SPG7: variants seen among roughly 807,000 people sequenced by gnomAD.
SPG7 encodes the protein mitochondrial inner membrane m-AAA protease component paraplegin.
In SPG7, 103 loss-of-function variants were observed where a neutral mutation model predicts 81.9. The observed-to-expected ratio is 1.26, with a 90% CI of 1.07 to 1.48. The LOEUF (loss-of-function observed/expected upper bound fraction) is 1.48, where lower values mean the gene tolerates loss of function less well. SPG7 is among the 40% of genes most tolerant of loss of function. The probability of loss-of-function intolerance (pLI) is 0.00; values close to 1 mark genes in which losing one functional copy is unlikely to be tolerated. For synonymous variants in SPG7, 534 were observed against 444.2 expected (o/e 1.20, Z -2.54); for missense variants, 1,241 against 1,087.3 (o/e 1.14, Z -1.99).
chr16:89,526,884 GCC>G (rs1216238310), intron 5 of SPG7: 1 of 270,564 alleles, frequency 3.7e-6, no homozygotes, highest in Non-Finnish European at 7.2e-6. Context: ...CGAAGTCTCA[GCC>G]CCCGACGTAG....
At chr16:89,532,688 CG>C (rs754507604) in intron 9 of SPG7, 52 bp downstream of exon 9, 63 of 1,605,838 alleles carry the variant, frequency 3.9e-5, no homozygotes, top group Non-Finnish European at 4.9e-5. Context: ...GGAGGTTTTC[CG>C]ATGTCTTTCA....
chr16:89,512,220 T>G (rs1353934048), intron 2 of SPG7, among the ~76,000 whole-genome samples: 1 of 151,526 alleles, frequency 6.6e-6, no homozygotes, highest in Admixed American at 6.6e-5. Flanking sequence ...CTCCCCCATT[T>G]GTAAACGCTG....
intron 10 of SPG7, chr16:89,545,621 C>T (rs2058553928): frequency 4.1e-6 from 1 of 242,570 alleles, no homozygotes; most frequent in South Asian, 3.9e-5. Flanking sequence ...CCAGGGGACA[C>T]TGTTTCTCCA....
At chr16:89,512,796 C>G (rs927458521) in intron 2 of SPG7, 152 bp from the exon 3 acceptor site, 8 of 735,376 alleles carry the variant, frequency 1.1e-5, no homozygotes, top group Admixed American at 4.1e-5. Context: ...ATAGGATATG[C>G]TTTATTTCAT....
rs2058220302 is a variant in SPG7, at chr16:89,523,616, C to T, written c.377-390C>T. ...TTCTTTTCTGAGACAGGGTCGTTCTCTGTCACCCAGGCTGGAGCACAGTGG... is the reference window on the plus strand; with the variant it reads ...TTCTTTTCTGAGACAGGGTCGTTCTTTGTCACCCAGGCTGGAGCACAGTGG... On this transcript the variant is annotated intron_variant, in intron 3 of 16. Transcript: ENST00000645818. 3 of 444,356 alleles carry T rather than the reference C, an allele frequency of 6.8e-6. No homozygotes were observed. In the Admixed American group the frequency reaches 7.2e-5, roughly 11 times the overall value. 27.5% of individuals were successfully genotyped at this position (444,356 alleles called of 1,614,324 possible).
At chr16:89,532,873 C>T (rs1164038888) in intron 9 of SPG7, 1 of 532,676 alleles carries the variant, frequency 1.9e-6, no homozygotes, top group East Asian at 3.4e-5. Flanking sequence ...CACCAGAGGT[C>T]AGGATTTCAT....
intron 9 of SPG7, among the ~76,000 whole-genome samples, chr16:89,534,813 C>T (rs578245875): frequency 2.0e-5 from 3 of 152,334 alleles, no homozygotes; most frequent in Admixed American, 6.5e-5. Flanking sequence ...CCACGCTGTC[C>T]GTGACTGCCC....
chr16:89,516,409 A>G (rs1434306741), intron 3 of SPG7, among the ~76,000 whole-genome samples: 3 of 151,756 alleles, frequency 2.0e-5, no homozygotes, highest in Non-Finnish European at 2.9e-5. Context: ...AAAATTAGCC[A>G]GGTGTGGTGT....
chr16:89,526,514 C>T (rs767245321), intron 5 of SPG7, 46 bp downstream of exon 5: 1 of 1,610,802 alleles, frequency 6.2e-7, no homozygotes, highest in Admixed American at 1.7e-5. Flanking sequence ...CCTAACTTGG[C>T]TTTGTAATCT....
chr16:89,532,331 G>T, intron 8 of SPG7, 132 bp from the exon 9 acceptor site: 1 of 1,188,684 alleles, frequency 8.4e-7, no homozygotes, highest in Non-Finnish European at 1.2e-6. Context: ...CAGCTGCCGT[G>T]TGTCTGTTTG....
intron 6 of SPG7, chr16:89,530,249 A>C: frequency 3.1e-6 from 1 of 326,214 alleles, no homozygotes; most frequent in Non-Finnish European, 5.9e-6. Flanking sequence ...GGTTCAAGCG[A>C]TTCTCCTGCT....
chr16:89,524,267 G>A lies in SPG7; in HGVS notation c.618+20G>A, dbSNP rs527365874. ...CGGCCTGTGAGTGAGGGTGCGGGAGGCCTGTGAGTGAGGGTGTGGGCACAG... is the reference window on the plus strand; with the variant it reads ...CGGCCTGTGAGTGAGGGTGCGGGAGACCTGTGAGTGAGGGTGTGGGCACAG... On this transcript the variant is annotated intron_variant, in intron 4 of 16. Coordinates refer to ENST00000645818, the MANE Select transcript of SPG7 (RefSeq NM_003119.4). The A allele has an allele frequency of 3.1e-6, 5 of 1,599,392 alleles. No individual in the cohort carries two copies. Among genetic ancestry groups the A allele is most frequent in the Non-Finnish European group, 4.3e-6 (5 of 1,172,752 alleles).
rs138671904 is a variant in SPG7 at position 89,544,692 on chromosome 16, C to T, written c.1369C>T (p.Arg457Ter). 11 of 1,613,990 alleles carry T rather than the reference C, an allele frequency of 6.8e-6. No individual in the cohort carries two copies. The highest frequency in any genetic ancestry group is 1.7e-5 in the Admixed American group (1 of 60,004). ...DHVIVLASTN[R>*]ADILDGALMR... ...TGTCATCGTCCTGGCGTCCACGAAC[C>T]GAGCTGACATTTTGGACGGTGCTCT... Residue 457 changes from arginine to a stop codon, truncating the protein, a stop_gained, in exon 10 of 17, where the codon CGA (arginine) becomes TGA (stop). Coordinates refer to ENST00000645818, the MANE Select transcript of SPG7 (RefSeq NM_003119.4). LOFTEE classifies it high-confidence loss of function.
intron 9 of SPG7, chr16:89,540,316 C>G (rs1038580919): frequency 1.3e-5 from 2 of 152,166 alleles, no homozygotes; most frequent in African/African-American, 2.4e-5. Context: ...CGGCCCAGAT[C>G]TGGGCCATAC....
At chr16:89,551,423 C>T (rs1454219681) in intron 13 of SPG7, 1 of 154,320 alleles carries the variant, frequency 6.5e-6, no homozygotes, top group African/African-American at 2.4e-5. Flanking sequence ...CAGAGAGCGT[C>T]CTGCCCATCC....
At chr16:89,545,273 AGG>A (rs1488195876) in intron 10 of SPG7, 5 of 257,870 alleles carry the variant, frequency 1.9e-5, no homozygotes, top group African/African-American at 1.1e-4. Flanking sequence ...CCTCTGTCAC[AGG>A]GCTCTGGTTG....
intron 6 of SPG7, 51 bp downstream of exon 6, chr16:89,529,630 T>C: frequency 7.4e-7 from 1 of 1,348,388 alleles, no homozygotes; most frequent in Non-Finnish European, 1.1e-6. Context: ...TTGTGTTTGC[T>C]GAATACTTTT....
intron 11 of SPG7, chr16:89,547,681 T>C (rs931432895): frequency 1.3e-5 from 5 of 373,400 alleles, no homozygotes; most frequent in African/African-American, 4.2e-5. Flanking sequence ...GGCGTGATCT[T>C]GGCTCCCCGC....
intron 4 of SPG7, among the ~76,000 whole-genome samples, chr16:89,525,612 G>T (rs117124148): frequency 6.6e-6 from 1 of 152,194 alleles, no homozygotes; most frequent in Admixed American, 6.5e-5. Flanking sequence ...GGGTGTTGCC[G>T]TCCAGTCATG....
Sources: gnomAD v4.1 joint callset for allele counts (sites outside exome capture counted in the v4.1 genomes callset) on GRCh38, gnomAD v4.1.1 for gene constraint, MANE v1.5 for transcripts, NCBI Gene and HGNC (gene_info 2026-07-23, HGNC 2026-07-21) for gene names.